Variants in GFM2 observed in about 807,000 individuals in gnomAD.
GFM2 encodes the protein ribosome-releasing factor 2, mitochondrial.
GFM2 carries 72 observed loss-of-function variants against 95.4 expected under a neutral mutation model. The ratio of observed to expected loss-of-function variants is 0.76; its 90% CI spans 0.62 to 0.92. GFM2 has a LOEUF of 0.92. Among genes scored for constraint, GFM2 ranks in the 40% least tolerant of loss-of-function variants. The pLI is 0.00. For synonymous variants in GFM2, 276 were observed against 317.5 expected (o/e 0.87, Z 1.39); for missense variants, 825 against 924.1 (o/e 0.89, Z 1.39).
intron 15 of GFM2, 168 bp downstream of exon 15, chr5:74,736,628 T>TA: frequency 7.0e-7 from 1 of 1,434,998 alleles, no homozygotes. Context: ...AAGGCATTTG[T>TA]AAAAATCAAA....
chr5:74,728,832 C>T (rs1288314152), intron 17 of GFM2, among the ~76,000 whole-genome samples: 1 of 136,254 alleles, frequency 7.3e-6, no homozygotes, highest in African/African-American at 2.8e-5. Flanking sequence ...TCTCAGCTCA[C>T]TGCAACTTCG....
chr5:74,725,591 TACTC>T, intron 19 of GFM2, 45 bp downstream of exon 19: 1 of 1,239,928 alleles, frequency 8.1e-7, no homozygotes, highest in Non-Finnish European at 1.2e-6. Flanking sequence ...AGTGGTACTA[TACTC>T]AGAAGAGTCA....
At chr5:74,729,081 A>G (rs1350201606) in intron 17 of GFM2, among the ~76,000 whole-genome samples, 2 of 152,046 alleles carry the variant, frequency 1.3e-5, no homozygotes, top group Non-Finnish European at 1.5e-5. Context: ...TGGGTTGATG[A>G]TATCTTTGGA....
At chr5:74,753,546 G>A (rs767730313) in intron 5 of GFM2, among the ~76,000 whole-genome samples, 17 of 152,076 alleles carry the variant, frequency 1.1e-4, no homozygotes, top group South Asian at 2.1e-4. Context: ...GCAGTGAGCC[G>A]AGATTGTACC....
chr5:74,767,055 G>A lies in GFM2; in HGVS notation c.-142C>T, dbSNP rs1361281838. On this transcript the variant is annotated 5_prime_UTR_variant, in exon 1 of 21. Transcript: ENST00000296805. ...GTCTCGACGCCAGCCTAGGCAAAAG[G>A]CAATGTATCTAAACGAAAAGAAAAT... is the stretch of plus-strand genomic sequence containing the variant. 2.7e-6 allele frequency: 1 copy of A among 368,038 alleles called. No individual in the cohort carries two copies. The highest frequency in any genetic ancestry group is 2.1e-5 in the African/African-American group (1 of 48,140). The allele number at this position is 368,038 out of a possible 1,614,324, so 22.8% of individuals were successfully genotyped here. A position where few individuals can be genotyped will look rare whatever the true frequency, so the allele number is the denominator to read the frequency against.
chr5:74,728,113 A>G (rs1277875281), intron 17 of GFM2, among the ~76,000 whole-genome samples: 1 of 152,058 alleles, frequency 6.6e-6, no homozygotes, highest in Non-Finnish European at 1.5e-5. Flanking sequence ...CCTATTTTTG[A>G]TCGTTTCTTG....
intron 17 of GFM2, 138 bp downstream of exon 17, chr5:74,730,121 AC>A: frequency 2.5e-6 from 2 of 785,570 alleles, no homozygotes; most frequent in Non-Finnish European, 3.8e-6. Context: ...TCCTAAAAAA[AC>A]AAAAAAACCC....
intron 15 of GFM2, chr5:74,736,331 T>C: frequency 1.0e-6 from 1 of 980,098 alleles, no homozygotes; most frequent in Middle Eastern, 5.2e-4. Flanking sequence ...AAATCTGAGC[T>C]AAAATGCTAA....
At chr5:74,736,711 TAAG>T (rs1742849025) in intron 15 of GFM2, 82 bp downstream of exon 15, 9 of 1,568,938 alleles carry the variant, frequency 5.7e-6, no homozygotes, top group East Asian at 2.3e-5. Flanking sequence ...CTCAATCACA[TAAG>T]AAATCTCTTG....
At chr5:74,761,758 C>T (rs1332845436) in intron 2 of GFM2, among the ~76,000 whole-genome samples, 1 of 152,176 alleles carries the variant, frequency 6.6e-6, no homozygotes, top group Non-Finnish European at 1.5e-5. Flanking sequence ...CATGTAAAGG[C>T]TGAATATTCT....
rs1214670181 is a variant in GFM2 at position 74,738,632 on chromosome 5, T to C, written c.1090A>G (p.Lys364Glu). 1.2e-6 allele frequency: 2 copies of C among 1,606,488 alleles called. No homozygotes were observed. The highest frequency in any genetic ancestry group is 2.2e-5 in the East Asian group (1 of 44,804). ...AATGCCAATGCACATAAGTCATCCT[T>C]ATACCACTGCCTATAAAATAAACAT... is the stretch of plus-strand genomic sequence containing the variant. Reference protein sequence around the residue: ...ERNYEFLQWYKDDLCALAFKV... With the variant: ...ERNYEFLQWYEDDLCALAFKV... The change falls in exon 13 of 21, where the codon AAG becomes GAG. Residue 364 changes from lysine (K) to glutamate (E), a missense_variant. Transcript: ENST00000296805.
chr5:74,728,770 T>TTTTTTTTGGGAGA (rs756604027), intron 17 of GFM2, among the ~76,000 whole-genome samples: 1 of 113,794 alleles, frequency 8.8e-6, no homozygotes, highest in African/African-American at 4.1e-5. Context: ...TTTTTTTTTT[T>TTTTTTTTGGGAGA]TTTTGAGATG....
chr5:74,758,102 A>G (rs1190124737), intron 5 of GFM2, among the ~76,000 whole-genome samples: 5 of 152,222 alleles, frequency 3.3e-5, no homozygotes, highest in Non-Finnish European at 7.3e-5. Context: ...TTTAACTACA[A>G]TTTAAAAGAC....
At chr5:74,737,345 T>C (rs1561243762) in intron 14 of GFM2, among the ~76,000 whole-genome samples, 1 of 152,170 alleles carries the variant, frequency 6.6e-6, no homozygotes, top group Non-Finnish European at 1.5e-5. Context: ...TTTATTCCTT[T>C]TTTACAGAAA....
intron 5 of GFM2, among the ~76,000 whole-genome samples, chr5:74,753,869 C>A (rs1167000524): frequency 6.6e-6 from 1 of 152,098 alleles, no homozygotes; most frequent in East Asian, 1.9e-4. Flanking sequence ...TCAAAGAACA[C>A]CTGGGAAATT....
chr5:74,728,083 G>A (rs1750229431), intron 17 of GFM2, among the ~76,000 whole-genome samples: 1 of 152,032 alleles, frequency 6.6e-6, no homozygotes, highest in African/African-American at 2.4e-5. Flanking sequence ...TTCCACATAT[G>A]TGAGATCATG....
chr5:74,751,019 C>T (rs987902072), intron 6 of GFM2, among the ~76,000 whole-genome samples: 2 of 152,058 alleles, frequency 1.3e-5, no homozygotes, highest in African/African-American at 4.8e-5. Context: ...AAGCCAATCA[C>T]AAGAGGACAA....
chr5:74,737,043 C>T lies in GFM2; in HGVS notation c.1321-58G>A, dbSNP rs111382101. ...TGGCATTTAGCAAGCGCTCATCTTA[C>T]ACCAAGAACCACAATATAAGAAAAC... On this transcript the variant is annotated intron_variant, in intron 14 of 20. Transcript: ENST00000296805. 1,367 of 1,544,352 alleles carry T rather than the reference C, an allele frequency of 8.9e-4. 12 individuals carry two copies. The African/African-American group carries it at 0.016, about 18-fold the overall frequency.
At chr5:74,732,807 G>A (rs181065526) in intron 16 of GFM2, among the ~76,000 whole-genome samples, 1 of 152,272 alleles carries the variant, frequency 6.6e-6, no homozygotes, top group East Asian at 1.9e-4. Flanking sequence ...AATGTGAAGT[G>A]TAATTATATA....
Sources: allele counts gnomAD v4.1 joint callset (sites outside exome capture counted in the v4.1 genomes callset), GRCh38; gene constraint gnomAD v4.1.1; transcripts MANE v1.5; gene names NCBI Gene and HGNC (gene_info 2026-07-23, HGNC 2026-07-21).